The following DGKB variants were observed in gnomAD, a reference collection of about 807,000 sequenced individuals.
DGKB encodes the protein diacylglycerol kinase beta.
A neutral mutation model predicts 114.3 loss-of-function variants in DGKB; 67 were observed. The ratio of observed to expected loss-of-function variants is 0.59; its 90% CI spans 0.48 to 0.72. The LOEUF (loss-of-function observed/expected upper bound fraction) is 0.72. DGKB is among the 30% of genes least tolerant of loss of function. DGKB has a pLI of 0.00. For synonymous variants in DGKB, 398 were observed against 323.1 expected (o/e 1.23, Z -2.49); for missense variants, 907 against 975.2 (o/e 0.93, Z 0.93).
intron 2 of DGKB, among the ~76,000 whole-genome samples, chr7:14,775,762 AC>A (rs1181818141): frequency 1.3e-5 from 2 of 151,926 alleles, no homozygotes; most frequent in South Asian, 2.1e-4. Flanking sequence ...AGTCAGTTAA[AC>A]CTCTTTCCTT....
At chr7:14,648,205 CA>C (rs2128891455) in intron 13 of DGKB, among the ~76,000 whole-genome samples, 1 of 152,350 alleles carries the variant, frequency 6.6e-6, no homozygotes. Flanking sequence ...CACAGACAAA[CA>C]AAAAGACAGC....
intron 20 of DGKB, among the ~76,000 whole-genome samples, chr7:14,539,017 T>C (rs1032175863): frequency 6.6e-6 from 1 of 152,054 alleles, no homozygotes; most frequent in Non-Finnish European, 1.5e-5. Flanking sequence ...AGTGTAAAGT[T>C]TGTTATACAA....
intron 20 of DGKB, among the ~76,000 whole-genome samples, chr7:14,557,354 T>G (rs377227977): frequency 6.6e-6 from 1 of 152,224 alleles, no homozygotes; most frequent in South Asian, 2.1e-4. Flanking sequence ...AAATTTATTA[T>G]GCTGTGTATT....
intron 21 of DGKB, among the ~76,000 whole-genome samples, chr7:14,362,198 A>AT (rs1815883141): frequency 6.6e-6 from 1 of 152,072 alleles, no homozygotes; most frequent in African/African-American, 2.4e-5. Context: ...TCATAAAATA[A>AT]ATCATAAAGA....
chr7:14,494,899 G>A (rs1308718704), intron 20 of DGKB, among the ~76,000 whole-genome samples: 1 of 151,772 alleles, frequency 6.6e-6, no homozygotes, highest in African/African-American at 2.4e-5. Flanking sequence ...ACGTGGATCT[G>A]CATGTTATAT....
intron 21 of DGKB, among the ~76,000 whole-genome samples, chr7:14,430,454 C>A (rs982914844): frequency 1.3e-5 from 2 of 152,208 alleles, no homozygotes; most frequent in East Asian, 3.9e-4. Flanking sequence ...GATTGGTTAA[C>A]ATGTGAAGTT....
intron 5 of DGKB, among the ~76,000 whole-genome samples, chr7:14,719,151 T>C (rs1250792563): frequency 2.0e-5 from 3 of 152,212 alleles, no homozygotes; most frequent in Admixed American, 6.5e-5. Context: ...AAGTCATATA[T>C]TTGTTTCAAA....
At chr7:14,300,766 T>C (rs1764813480) in intron 23 of DGKB, among the ~76,000 whole-genome samples, 1 of 152,178 alleles carries the variant, frequency 6.6e-6, no homozygotes, top group South Asian at 2.1e-4. Flanking sequence ...CCTATATGGC[T>C]GTACTCTTTT....
intron 23 of DGKB, among the ~76,000 whole-genome samples, chr7:14,236,718 T>A (rs1310720033): frequency 6.6e-6 from 1 of 151,980 alleles, no homozygotes; most frequent in Non-Finnish European, 1.5e-5. Context: ...ACTTTCTCTT[T>A]CCTGTGATAG....
intron 13 of DGKB, among the ~76,000 whole-genome samples, chr7:14,671,814 C>T (rs1314570081): frequency 6.6e-6 from 1 of 152,012 alleles, no homozygotes; most frequent in East Asian, 1.9e-4. Context: ...TAGAAGTCTT[C>T]AAGACAACAC....
intron 23 of DGKB, among the ~76,000 whole-genome samples, chr7:14,217,934 T>C (rs754770320): frequency 1.3e-5 from 2 of 152,148 alleles, no homozygotes; most frequent in Admixed American, 6.6e-5. Context: ...ACTTTTGTAA[T>C]AATAAATACC....
At chr7:14,241,939 TATATAC>T (rs1236642443) in intron 23 of DGKB, among the ~76,000 whole-genome samples, 1 of 81,384 alleles carries the variant, frequency 1.2e-5, no homozygotes, top group African/African-American at 3.3e-5. Context: ...CACATATAGA[TATATAC>T]ACACACACAT....
intron 20 of DGKB, among the ~76,000 whole-genome samples, chr7:14,517,136 T>C (rs1346487212): frequency 6.6e-6 from 1 of 151,738 alleles, no homozygotes; most frequent in Non-Finnish European, 1.5e-5. Context: ...AAAATAGAGA[T>C]CTCAGAAATA....
At chr7:14,346,166 C>A (rs1365975497) in intron 21 of DGKB, among the ~76,000 whole-genome samples, 2 of 151,660 alleles carry the variant, frequency 1.3e-5, no homozygotes, top group South Asian at 2.1e-4. Context: ...TCTCTCATAT[C>A]AAATTAAAGT....
chr7:14,349,907 A>C (rs972606042), intron 21 of DGKB, among the ~76,000 whole-genome samples: 3 of 152,146 alleles, frequency 2.0e-5, no homozygotes, highest in Admixed American at 1.3e-4. Context: ...CTATTGTGAA[A>C]TGGTCACAGC....
At chr7:14,861,951 G>A (rs4634526) in intron 1 of DGKB, among the ~76,000 whole-genome samples, 51,196 of 151,654 alleles carry the variant, frequency 0.34, 10,213 homozygotes, top group Non-Finnish European at 0.44. Flanking sequence ...ATGCGTCACC[G>A]TTTTCCAAAG....
At chr7:14,290,557 C>T (rs563552096) in intron 23 of DGKB, among the ~76,000 whole-genome samples, 3 of 152,088 alleles carry the variant, frequency 2.0e-5, no homozygotes, top group Admixed American at 6.6e-5. Context: ...CAGGCTGCCT[C>T]GGTACCCTCT....
chr7:14,951,550 A>C (rs1786200829), intron 1 of DGKB, among the ~76,000 whole-genome samples: 1 of 152,054 alleles, frequency 6.6e-6, no homozygotes, highest in Non-Finnish European at 1.5e-5. Context: ...TTGTTAGGGC[A>C]GTAAAATTAT....
chr7:14,264,388 A>G (rs1797201120), intron 23 of DGKB, among the ~76,000 whole-genome samples: 1 of 152,122 alleles, frequency 6.6e-6, no homozygotes, highest in South Asian at 2.1e-4. Flanking sequence ...GCTTCTGGGG[A>G]CCTCAGTAGC....
Sources: allele counts gnomAD v4.1 joint callset (sites outside exome capture counted in the v4.1 genomes callset), GRCh38; gene constraint gnomAD v4.1.1; transcripts MANE v1.5; gene names NCBI Gene and HGNC (gene_info 2026-07-23, HGNC 2026-07-21).